AOPEP: variants seen among roughly 807,000 people sequenced by gnomAD.
The protein encoded by AOPEP is aminopeptidase O (putative), also known as aminopeptidase O.
A neutral mutation model predicts 98.1 loss-of-function variants in AOPEP; 77 were observed. The observed-to-expected ratio is 0.78, with a 90% CI of 0.65 to 0.95. AOPEP has a LOEUF of 0.95. Among genes scored for constraint, AOPEP ranks in the 40% least tolerant of loss-of-function variants. The probability of loss-of-function intolerance (pLI) is 0.00; values close to 1 mark genes in which losing one functional copy is unlikely to be tolerated. For synonymous variants in AOPEP, 346 were observed against 365.3 expected, an observed-to-expected ratio of 0.95 and a Z score of 0.60; for missense variants, 1,024 against 1,024.7, an observed-to-expected ratio of 1.00 and a Z score of 0.01.
At chr9:95,075,876 A>G (rs985208892) in intron 14 of AOPEP, among the ~76,000 whole-genome samples, 1 of 152,206 alleles carries the variant, frequency 6.6e-6, no homozygotes, top group African/African-American at 2.4e-5. Flanking sequence ...GCCTCAAACA[A>G]ACAAACAAAC....
the AOPEP span, among the ~76,000 whole-genome samples, chr9:95,104,023 A>T: frequency 6.6e-6 from 1 of 151,994 alleles, no homozygotes; most frequent in Non-Finnish European, 1.5e-5. Context: ...GGGTGGAGAG[A>T]CCCAAGCTGT....
intron 3 of AOPEP, among the ~76,000 whole-genome samples, chr9:94,780,484 G>A (rs1588172226): frequency 2.6e-5 from 4 of 152,088 alleles, no homozygotes; most frequent in Admixed American, 2.6e-4. Flanking sequence ...CAAGCTGAGG[G>A]AGAATTAAGC....
At chr9:94,960,415 A>T (rs2058739253) in intron 9 of AOPEP, among the ~76,000 whole-genome samples, 1 of 151,550 alleles carries the variant, frequency 6.6e-6, no homozygotes, top group Admixed American at 6.6e-5. Flanking sequence ...TCTCAGGGAA[A>T]AAAAAAAAAA....
intron 5 of AOPEP, among the ~76,000 whole-genome samples, chr9:94,869,304 G>A (rs1362221204): frequency 6.6e-6 from 1 of 152,192 alleles, no homozygotes; most frequent in Admixed American, 6.5e-5. Flanking sequence ...TGTTGCTGTG[G>A]CAATAGCCTT....
chr9:94,970,936 A>G (rs55795857), intron 10 of AOPEP, among the ~76,000 whole-genome samples: 8,304 of 152,208 alleles, frequency 0.055, 645 homozygotes, highest in African/African-American at 0.17. Flanking sequence ...ACTGTTACCA[A>G]AGTCTGTTTC....
intron 13 of AOPEP, among the ~76,000 whole-genome samples, chr9:95,020,918 CAAAAA>C (rs55696602): frequency 1.4e-5 from 1 of 73,372 alleles, no homozygotes. Context: ...GACCTTGTCT[CAAAAA>C]AAAAAAAAAA....
At chr9:94,760,847 G>A (rs1838106177) in intron 2 of AOPEP, 1 of 307,252 alleles carries the variant, frequency 3.3e-6, no homozygotes, top group Non-Finnish European at 6.0e-6. Context: ...CATGCTTAAT[G>A]ATGAAATCCT....
chr9:95,014,565 C>T (rs2062829043), intron 13 of AOPEP, among the ~76,000 whole-genome samples: 1 of 152,154 alleles, frequency 6.6e-6, no homozygotes, highest in Non-Finnish European at 1.5e-5. Flanking sequence ...TAAATAGTGG[C>T]TACCCAGTGA....
At chr9:95,096,799 G>A in the AOPEP span, among the ~76,000 whole-genome samples, 3 of 152,154 alleles carry the variant, frequency 2.0e-5, no homozygotes, top group Non-Finnish European at 4.4e-5. Flanking sequence ...TCAGTGCGTG[G>A]TACGCTTCAC....
chr9:94,733,094 A>G (rs1406673128), intron 1 of AOPEP, among the ~76,000 whole-genome samples: 1 of 135,968 alleles, frequency 7.4e-6, no homozygotes, highest in Admixed American at 7.5e-5. Context: ...GTGTTTAATC[A>G]TTTTCTTTCT....
At chr9:95,013,403 A>G (rs1488436741) in intron 13 of AOPEP, among the ~76,000 whole-genome samples, 1 of 92,898 alleles carries the variant, frequency 1.1e-5, no homozygotes, top group East Asian at 3.0e-4. Context: ...TTGAAATATT[A>G]TCCTTTTTTT....
At chr9:95,146,639 T>C in the AOPEP span, among the ~76,000 whole-genome samples, 3 of 152,130 alleles carry the variant, frequency 2.0e-5, no homozygotes, top group Non-Finnish European at 4.4e-5. Flanking sequence ...TTCGGAAATG[T>C]GAATGCTTTG....
At chr9:95,091,399 T>G (rs565562269), downstream of AOPEP, among the ~76,000 whole-genome samples, 1 of 152,282 alleles carries the variant, frequency 6.6e-6, no homozygotes, top group African/African-American at 2.4e-5. Flanking sequence ...CCTGGCACTT[T>G]GTCAGGGGTT....
At chr9:95,060,611 A>G in intron 13 of AOPEP, 83 bp from the exon 14 acceptor site, 1 of 887,548 alleles carries the variant, frequency 1.1e-6, no homozygotes, top group South Asian at 1.3e-5. Context: ...TACCCTGGGT[A>G]TGTGGTCTTC....
chr9:94,836,010 G>A (rs1250562099), intron 5 of AOPEP, among the ~76,000 whole-genome samples: 2 of 152,192 alleles, frequency 1.3e-5, no homozygotes, highest in Admixed American at 1.3e-4. Flanking sequence ...GTGGTACAGG[G>A]TAGGGATGCT....
At chr9:94,836,610 G>T (rs1430931576) in intron 5 of AOPEP, among the ~76,000 whole-genome samples, 1 of 152,146 alleles carries the variant, frequency 6.6e-6, no homozygotes, top group Admixed American at 6.5e-5. Context: ...TCCTTTGTCA[G>T]ATGTATGATT....
intron 14 of AOPEP, among the ~76,000 whole-genome samples, chr9:95,079,320 C>T (rs542791198): frequency 7.2e-5 from 11 of 152,342 alleles, no homozygotes; most frequent in African/African-American, 2.6e-4. Flanking sequence ...CAGGGGCCCT[C>T]GCCAAAATGT....
At chr9:94,793,677 GAA>G (rs769861190) in intron 4 of AOPEP, among the ~76,000 whole-genome samples, 2 of 127,396 alleles carry the variant, frequency 1.6e-5, no homozygotes. Flanking sequence ...CTCTGTCTTG[GAA>G]AAAAAAAAAA....
chr9:94,829,469 A>T (rs1388283383), intron 5 of AOPEP, among the ~76,000 whole-genome samples: 1 of 152,218 alleles, frequency 6.6e-6, no homozygotes, highest in African/African-American at 2.4e-5. Context: ...GATGGGAAAC[A>T]TGATATATCT....
Sources: allele counts gnomAD v4.1 joint callset (sites outside exome capture counted in the v4.1 genomes callset), GRCh38; gene constraint gnomAD v4.1.1; transcripts MANE v1.5; gene names NCBI Gene and HGNC (gene_info 2026-07-23, HGNC 2026-07-21).